Variants in RP1L1 observed in about 807,000 individuals in gnomAD.
RP1L1 encodes the protein RP1 like 1.
A neutral mutation model predicts 15.7 loss-of-function variants in RP1L1; 27 were observed. The observed-to-expected ratio is 1.72, with a 90% CI of 1.27 to 2.38. The LOEUF (loss-of-function observed/expected upper bound fraction) is 2.38. Ranked by LOEUF, RP1L1 falls within the 30% of genes most tolerant of loss-of-function variation. The pLI, the probability that RP1L1 is intolerant of heterozygous loss-of-function variation, is 0.00. For synonymous variants in RP1L1, 1,813 were observed against 1,276.7 expected (o/e 1.42, Z -8.96); for missense variants, 4,798 against 3,075.9 (o/e 1.56, Z -13.24).
chr8:10,607,144 A>G lies in RP1L1; in HGVS notation c.6954T>C (p.His2318=), dbSNP rs191045080. The part of the protein sequence containing the change: ...NCWQKDSEND[H]VLGDTRSPDA... ...CAGGGCTCCTTGTGTCTCCAAGTAC[A>G]TGGTCATTTTCTGAGTCTTTCTGCC... Residue 2318 remains histidine (H), a synonymous_variant, in exon 4 of 4, where the codon CAT becomes CAC. Coordinates refer to ENST00000382483, the MANE Select transcript of RP1L1 (RefSeq NM_178857.6). 1.8e-4 allele frequency: 286 copies of G among 1,614,226 alleles called. No homozygotes were observed. The African/African-American group carries it at 3.2e-3, about 18-fold the overall frequency.
At chr8:10,638,460 G>A (rs1414929167) in intron 1 of RP1L1, among the ~76,000 whole-genome samples, 1 of 152,136 alleles carries the variant, frequency 6.6e-6, no homozygotes, top group Non-Finnish European at 1.5e-5. Flanking sequence ...CACGAAATTA[G>A]ATACAAATTT....
In RP1L1 at chr8:10,607,039, T is replaced by G. The variant is rs1486941917; in HGVS notation, c.7059A>C (p.Glu2353Asp). The part of the protein sequence containing the change: ...MYPESSTSEQ[E>D]EAPLGSRTPE... ...GAGTCCTTGAGCCCAAAGGGGCCTC[T>G]TCTTGCTCAGAAGTAGAACTTTCTG... Residue 2353 changes from glutamate (E) to aspartate (D), a missense_variant, in exon 4 of 4, where the codon GAA becomes GAC. Transcript: ENST00000382483. 1 of 1,614,124 alleles carries G rather than the reference T, an allele frequency of 6.2e-7. No homozygotes were observed. The highest frequency in any genetic ancestry group is 8.5e-7 in the Non-Finnish European group (1 of 1,180,052).
intron 1 of RP1L1, among the ~76,000 whole-genome samples, chr8:10,631,254 CACACACACGCACACAA>C: frequency 6.7e-6 from 1 of 149,636 alleles, no homozygotes; most frequent in East Asian, 2.0e-4. Context: ...TGCACACATG[CACACACACGCACACAA>C]ACACGCATGC....
chr8:10,650,400 G>A (rs745947596), intron 1 of RP1L1, among the ~76,000 whole-genome samples: 4 of 152,120 alleles, frequency 2.6e-5, no homozygotes, highest in Non-Finnish European at 5.9e-5. Flanking sequence ...GACACAGAGC[G>A]GCATCAGCCA....
chr8:10,623,234 G>C lies in RP1L1; in HGVS notation c.-19-14C>G. 1.3e-6 allele frequency: 2 copies of C among 1,516,048 alleles called. No individual in the cohort carries two copies. Among genetic ancestry groups the C allele is most frequent in the Non-Finnish European group, 1.8e-6 (2 of 1,136,452 alleles). 93.9% of individuals were successfully genotyped at this position (1,516,048 alleles called of 1,614,324 possible). On this transcript the variant is annotated splice_polypyrimidine_tract_variant and intron_variant, in intron 1 of 3. Coordinates refer to ENST00000382483, the MANE Select transcript of RP1L1 (RefSeq NM_178857.6). ...GGGCTCTGGCCGCTGTAACAGGGCA[G>C]AGGAAGAGGGGTCAGAGAGCAGCTT...
intron 1 of RP1L1, among the ~76,000 whole-genome samples, chr8:10,635,497 T>C (rs917586485): frequency 1.3e-5 from 2 of 152,178 alleles, no homozygotes; most frequent in South Asian, 2.1e-4. Context: ...ATTCCTCCAC[T>C]CTACAAATCC....
At position 10,654,431 on chromosome 8, in the gene RP1L1, G is replaced by A. The variant is rs28674874; in HGVS notation, c.-20+467C>T. Among the ~76,000 whole-genome samples the A allele has an allele frequency of 1.9e-3, 283 of 151,978 alleles. 1 individual carries two copies. Among genetic ancestry groups the A allele is most frequent in the African/African-American group, 6.4e-3 (265 of 41,406 alleles). On this transcript the variant is annotated intron_variant, in intron 1 of 3. Transcript: ENST00000382483. Reference sequence around the variant, plus strand: ...GGTCTTCAGAGATTCTTGAAGTCTCGGTCCTCTAAGAAGCAAATTGGACAC... The same window carrying A: ...GGTCTTCAGAGATTCTTGAAGTCTCAGTCCTCTAAGAAGCAAATTGGACAC...
chr8:10,615,207 G>A (rs571999435), intron 3 of RP1L1, among the ~76,000 whole-genome samples: 69 of 152,316 alleles, frequency 4.5e-4, no homozygotes, highest in Middle Eastern at 6.8e-3. Flanking sequence ...AGTGATCACT[G>A]AGCCTGTGCT....
At chr8:10,626,074 G>A (rs1288696093) in intron 1 of RP1L1, among the ~76,000 whole-genome samples, 1 of 152,136 alleles carries the variant, frequency 6.6e-6, no homozygotes, top group Admixed American at 6.5e-5. Context: ...CACAGGAAAT[G>A]CTCCAAGAGT....
At chr8:10,631,892 C>A (rs980031258) in intron 1 of RP1L1, among the ~76,000 whole-genome samples, 1 of 152,184 alleles carries the variant, frequency 6.6e-6, no homozygotes, top group African/African-American at 2.4e-5. Flanking sequence ...CAGCACGGGG[C>A]GGATTTGGAG....
At chr8:10,621,929 G>A (rs1798066226) in intron 2 of RP1L1, among the ~76,000 whole-genome samples, 1 of 152,046 alleles carries the variant, frequency 6.6e-6, no homozygotes, top group South Asian at 2.1e-4. Context: ...GCCCTCCAAC[G>A]CCCTGTATTA....
Position 10,611,886 on chromosome 8 carries a change from C to A in RP1L1, c.2212G>T (p.Ala738Ser). The A allele has an allele frequency of 6.2e-7, 1 of 1,613,866 alleles. No individual in the cohort carries two copies. The highest frequency in any genetic ancestry group is 8.5e-7 in the Non-Finnish European group (1 of 1,180,032). ...GAGTGGACTGCAGGGGTGACAGTGG[C>A]ACTGCTGGTTCCCAGAAGGTCCTGG... The part of the protein sequence containing the change: ...PSQDLLGTSS[A>S]TVTPAVHSDF... The change falls in exon 4 of 4, where the codon GCC becomes TCC. Residue 738 changes from alanine to serine, a missense_variant. Transcript: ENST00000382483.
rs1454931331 is a variant in RP1L1, at chr8:10,608,384, C to A, written c.5714G>T (p.Gly1905Val). ...CTTTTCTGCCTCCGGGGCTTCTGCACCTTCTGACTCTGGCTGGACCTCCCA... is the reference window on the plus strand; with the variant it reads ...CTTTTCTGCCTCCGGGGCTTCTGCAACTTCTGACTCTGGCTGGACCTCCCA... ...AEWEVQPESE[G>V]AEAPEAEKEA... The change falls in exon 4 of 4, where the codon GGT (glycine) becomes GTT (valine). Residue 1905 changes from glycine (G) to valine (V), a missense_variant. Transcript: ENST00000382483. The A allele has an allele frequency of 1.9e-6, 3 of 1,609,738 alleles. No homozygotes were observed. Among genetic ancestry groups the A allele is most frequent in the Non-Finnish European group, 2.5e-6 (3 of 1,179,226 alleles).
intron 1 of RP1L1, among the ~76,000 whole-genome samples, chr8:10,653,305 A>G (rs967084926): frequency 6.6e-5 from 10 of 152,210 alleles, no homozygotes; most frequent in Non-Finnish European, 1.2e-4. Context: ...CGAGCTGGAA[A>G]GAACCGAAGG....
chr8:10,618,787 T>C (rs1178175751), intron 2 of RP1L1, among the ~76,000 whole-genome samples: 1 of 152,252 alleles, frequency 6.6e-6, no homozygotes, highest in Non-Finnish European at 1.5e-5. Flanking sequence ...CAGCTGTTTC[T>C]ATCCCACTCT....
At chr8:10,613,486 G>A (rs1465787888) in intron 3 of RP1L1, 140 bp from the exon 4 acceptor site, 18 of 1,271,154 alleles carry the variant, frequency 1.4e-5, no homozygotes, top group Non-Finnish European at 1.9e-5. Flanking sequence ...GGTGACAGCT[G>A]TGCGCGGTGG....
intron 1 of RP1L1, among the ~76,000 whole-genome samples, chr8:10,633,508 G>C (rs1216056357): frequency 6.6e-6 from 1 of 152,176 alleles, no homozygotes; most frequent in Non-Finnish European, 1.5e-5. Flanking sequence ...GTGCAACCTG[G>C]AGCATGCTTC....
rs79465957 is a variant in RP1L1 at position 10,622,782 on chromosome 8, G to T, written c.420C>A (p.Gly140=). 1.2e-3 allele frequency: 1,861 copies of T among 1,613,922 alleles called. 21 individuals carry two copies. The African/African-American group carries it at 0.022, about 19-fold the overall frequency. The change falls in exon 2 of 4, where the codon GGC becomes GGA. Residue 140 remains glycine, a synonymous_variant. Transcript: ENST00000382483. ...RDVEGQREAP[G]TSSSRKSLKT... ...TAAGACTCTTCCGGGAGGAGGAGGTGCCTGGGGCTTCACGCTGGCCTTCGA... is the reference window on the plus strand; with the variant it reads ...TAAGACTCTTCCGGGAGGAGGAGGTTCCTGGGGCTTCACGCTGGCCTTCGA...
chr8:10,632,241 T>C (rs142283709), intron 1 of RP1L1, among the ~76,000 whole-genome samples: 1 of 152,320 alleles, frequency 6.6e-6, no homozygotes, highest in Non-Finnish European at 1.5e-5. Context: ...TTTCCCTGCT[T>C]AGATTTAGCT....
Sources: allele counts gnomAD v4.1 joint callset (sites outside exome capture counted in the v4.1 genomes callset), GRCh38; gene constraint gnomAD v4.1.1; transcripts MANE v1.5; gene names NCBI Gene and HGNC (gene_info 2026-07-23, HGNC 2026-07-21).